AGBL4: variants seen among roughly 807,000 people sequenced by gnomAD.
AGBL4 encodes AGBL carboxypeptidase 4.
AGBL4 carries 58 observed loss-of-function variants against 66.4 expected under a neutral mutation model. The observed-to-expected ratio is 0.87, with a 90% CI of 0.71 to 1.09. The LOEUF (loss-of-function observed/expected upper bound fraction) is 1.09, where lower values mean the gene tolerates loss of function less well. Among genes scored for constraint, AGBL4 ranks in the 50% least tolerant of loss-of-function variants. The pLI, the probability that AGBL4 is intolerant of heterozygous loss-of-function variation, is 0.00. For synonymous variants in AGBL4, 234 were observed against 222.9 expected, an observed-to-expected ratio of 1.05 and a Z score of -0.44; for missense variants, 579 against 631.0, an observed-to-expected ratio of 0.92 and a Z score of 0.88.
At chr1:49,489,948 G>T (rs1383536512) in intron 3 of AGBL4, among the ~76,000 whole-genome samples, 1 of 151,532 alleles carries the variant, frequency 6.6e-6, no homozygotes, top group East Asian at 1.9e-4. Flanking sequence ...TTTTCTCTTG[G>T]ATTTTCTATG....
intron 4 of AGBL4, among the ~76,000 whole-genome samples, chr1:49,193,526 T>A (rs1570012899): frequency 6.6e-6 from 1 of 151,902 alleles, no homozygotes; most frequent in East Asian, 1.9e-4. Context: ...TTCTTGGTAT[T>A]GATTTCTTTT....
At chr1:48,899,425 T>TTG (rs1164050012) in intron 5 of AGBL4, among the ~76,000 whole-genome samples, 38 of 151,846 alleles carry the variant, frequency 2.5e-4, no homozygotes, top group African/African-American at 9.2e-4. Flanking sequence ...TTAATAGTTT[T>TTG]TTTTTTTTTC....
intron 3 of AGBL4, among the ~76,000 whole-genome samples, chr1:49,642,169 A>G (rs1001196637): frequency 6.6e-6 from 1 of 152,024 alleles, no homozygotes; most frequent in African/African-American, 2.4e-5. Flanking sequence ...AAGGTTTTAA[A>G]ATTCAAGAGT....
chr1:49,119,377 C>T (rs1472885663), intron 4 of AGBL4, among the ~76,000 whole-genome samples: 1 of 152,114 alleles, frequency 6.6e-6, no homozygotes, highest in Non-Finnish European at 1.5e-5. Context: ...AAATGTGTTC[C>T]AGAGATTCTG....
chr1:49,693,787 A>C (rs562972698), intron 3 of AGBL4, among the ~76,000 whole-genome samples: 20 of 152,262 alleles, frequency 1.3e-4, no homozygotes, highest in Admixed American at 1.3e-3. Flanking sequence ...TATTGGCTGA[A>C]CTTTTAGCAT....
chr1:49,935,764 G>A (rs1187426667), intron 1 of AGBL4, among the ~76,000 whole-genome samples: 1 of 152,186 alleles, frequency 6.6e-6, no homozygotes, highest in Non-Finnish European at 1.5e-5. Flanking sequence ...CAACAGACCT[G>A]CAGCTGAGGG....
chr1:49,891,938 T>C (rs1219482170), intron 1 of AGBL4, among the ~76,000 whole-genome samples: 1 of 152,096 alleles, frequency 6.6e-6, no homozygotes. Context: ...ACATCATCCA[T>C]TCCAAAACAT....
chr1:48,632,508 C>G (rs539937489), intron 9 of AGBL4, among the ~76,000 whole-genome samples: 4 of 152,194 alleles, frequency 2.6e-5, no homozygotes, highest in Non-Finnish European at 5.9e-5. Context: ...ACTCCCATTT[C>G]TCTCTTTGGG....
chr1:49,598,247 G>A (rs1434569343), intron 3 of AGBL4, among the ~76,000 whole-genome samples: 3 of 152,168 alleles, frequency 2.0e-5, no homozygotes, highest in African/African-American at 7.2e-5. Context: ...GCTTCGTTCC[G>A]TTGCTGGTGA....
intron 1 of AGBL4, among the ~76,000 whole-genome samples, chr1:49,975,296 C>T (rs906160528): frequency 5.3e-5 from 8 of 152,136 alleles, no homozygotes; most frequent in African/African-American, 1.9e-4. Flanking sequence ...ATAATAAAAT[C>T]TCATACAAAC....
intron 1 of AGBL4, among the ~76,000 whole-genome samples, chr1:49,864,082 TA>T (rs920593378): frequency 3.9e-5 from 6 of 151,936 alleles, no homozygotes; most frequent in South Asian, 2.1e-4. Context: ...TTATCAGCCA[TA>T]AAAAAAATGA....
intron 3 of AGBL4, among the ~76,000 whole-genome samples, chr1:49,315,519 A>C (rs991213609): frequency 2.6e-5 from 4 of 152,198 alleles, no homozygotes; most frequent in Non-Finnish European, 4.4e-5. Context: ...AATATCTAGA[A>C]TCTACAAAGA....
intron 11 of AGBL4, chr1:48,584,254 C>T (rs2148335840): frequency 6.6e-6 from 1 of 152,206 alleles, no homozygotes; most frequent in Admixed American, 6.5e-5. Flanking sequence ...TGTCTACATT[C>T]AAGATCAAAC....
At chr1:49,175,520 G>A (rs1437932643) in intron 4 of AGBL4, among the ~76,000 whole-genome samples, 1 of 152,040 alleles carries the variant, frequency 6.6e-6, no homozygotes, top group African/African-American at 2.4e-5. Context: ...CAAACTGAAT[G>A]AAGATCAACA....
At chr1:48,938,856 A>C (rs1655704651) in intron 5 of AGBL4, among the ~76,000 whole-genome samples, 1 of 152,182 alleles carries the variant, frequency 6.6e-6, no homozygotes, top group Admixed American at 6.5e-5. Flanking sequence ...TAACTTCATA[A>C]TATGTGGTAA....
chr1:48,818,310 G>C lies in AGBL4; in HGVS notation c.634+48881C>G, dbSNP rs548473151. The C allele has an allele frequency of 4.2e-6, 3 of 715,480 alleles. No homozygotes were observed. In the South Asian group the frequency reaches 4.5e-5, roughly 11 times the overall value. 44.3% of individuals were successfully genotyped at this position (715,480 alleles called of 1,614,324 possible). On this transcript the variant is annotated intron_variant, in intron 6 of 13. Transcript: ENST00000371839. Reference sequence around the variant, plus strand: ...ACTTCACCGAAGGAAAATATTTATGGCCATATTTGAAAAGGGGCATATTGC... The same window carrying C: ...ACTTCACCGAAGGAAAATATTTATGCCCATATTTGAAAAGGGGCATATTGC...
chr1:49,331,805 C>T (rs1645340038), intron 3 of AGBL4, among the ~76,000 whole-genome samples: 1 of 151,752 alleles, frequency 6.6e-6, no homozygotes, highest in South Asian at 2.1e-4. Flanking sequence ...TTTTACAAAA[C>T]ATGGCCAGAC....
At chr1:49,242,473 C>G (rs1651316460) in intron 4 of AGBL4, among the ~76,000 whole-genome samples, 1 of 152,000 alleles carries the variant, frequency 6.6e-6, no homozygotes, top group Non-Finnish European at 1.5e-5. Context: ...CTACCACTTA[C>G]TAGTAATGTA....
At chr1:49,243,523 T>C (rs1207171285) in intron 4 of AGBL4, among the ~76,000 whole-genome samples, 2 of 151,822 alleles carry the variant, frequency 1.3e-5, no homozygotes, top group African/African-American at 4.8e-5. Flanking sequence ...GAAGAAAAGA[T>C]GTTCAAAATT....
Sources: allele counts gnomAD v4.1 joint callset (sites outside exome capture counted in the v4.1 genomes callset), GRCh38; gene constraint gnomAD v4.1.1; transcripts MANE v1.5; gene names NCBI Gene and HGNC (gene_info 2026-07-23, HGNC 2026-07-21).